The following SNTG1 variants were observed in gnomAD, a reference collection of about 807,000 sequenced individuals.
SNTG1 encodes syntrophin gamma 1.
In SNTG1, 39 loss-of-function variants were observed where a neutral mutation model predicts 74.7. That is an observed-to-expected ratio of 0.52 (90% CI 0.40 to 0.68). The LOEUF is 0.68. Ranked by LOEUF, SNTG1 falls within the 30% of genes least tolerant of loss-of-function variation. The probability of loss-of-function intolerance (pLI) is 0.00; values close to 1 mark genes in which losing one functional copy is unlikely to be tolerated. For missense variants in SNTG1, 685 were observed against 609.5 expected (o/e 1.12, Z -1.30); for synonymous variants, 254 against 217.1 (o/e 1.17, Z -1.49).
chr8:50,033,457 T>G (rs956199966), intron 1 of SNTG1, among the ~76,000 whole-genome samples: 6 of 152,148 alleles, frequency 3.9e-5, no homozygotes, highest in African/African-American at 1.4e-4. Context: ...AATTGATATA[T>G]ACCTAATGTC....
chr8:49,918,587 G>C (rs1352631006), intron 1 of SNTG1, among the ~76,000 whole-genome samples: 1 of 150,146 alleles, frequency 6.7e-6, no homozygotes, highest in Non-Finnish European at 1.5e-5. Context: ...AGAATATTCT[G>C]TTGGATTTCA....
At chr8:50,102,401 G>C (rs1281046804) in intron 1 of SNTG1, among the ~76,000 whole-genome samples, 1 of 150,696 alleles carries the variant, frequency 6.6e-6, no homozygotes, top group Non-Finnish European at 1.5e-5. Context: ...CTTTTTGATG[G>C]GGTTGTTTGT....
chr8:50,349,572 C>CT (rs563793531), intron 2 of SNTG1, among the ~76,000 whole-genome samples: 13 of 151,756 alleles, frequency 8.6e-5, no homozygotes, highest in South Asian at 2.1e-4. Context: ...CTATGTTATT[C>CT]TTTTTTTTAC....
At chr8:50,536,091 G>A (rs1563539085) in intron 10 of SNTG1, among the ~76,000 whole-genome samples, 1 of 152,152 alleles carries the variant, frequency 6.6e-6, no homozygotes, top group Non-Finnish European at 1.5e-5. Context: ...AGCAGTAGTT[G>A]CCTTGATATG....
At chr8:50,081,612 G>GT (rs1250076652) in intron 1 of SNTG1, among the ~76,000 whole-genome samples, 7 of 151,454 alleles carry the variant, frequency 4.6e-5, no homozygotes, top group Middle Eastern at 3.4e-3. Context: ...TGTTCACTTC[G>GT]TTTTTTTTGT....
At chr8:50,398,174 C>G (rs966474403) in intron 3 of SNTG1, among the ~76,000 whole-genome samples, 6 of 152,170 alleles carry the variant, frequency 3.9e-5, no homozygotes, top group Admixed American at 3.9e-4. Context: ...TTTAACTTTC[C>G]CATTTATTCT....
intron 1 of SNTG1, among the ~76,000 whole-genome samples, chr8:50,048,905 C>T (rs1486934630): frequency 6.6e-6 from 1 of 151,936 alleles, no homozygotes; most frequent in Non-Finnish European, 1.5e-5. Flanking sequence ...TTGAAATTTG[C>T]TACCTAATTT....
intron 9 of SNTG1, among the ~76,000 whole-genome samples, chr8:50,513,668 T>A (rs2094105980): frequency 6.6e-6 from 1 of 152,220 alleles, no homozygotes; most frequent in South Asian, 2.1e-4. Context: ...CTCAGACAGC[T>A]GTGCTAACAA....
At chr8:50,757,236 A>C (rs11776122) in intron 18 of SNTG1, among the ~76,000 whole-genome samples, 2 of 151,522 alleles carry the variant, frequency 1.3e-5, no homozygotes, top group East Asian at 3.9e-4. Context: ...TAGCCTGTTG[A>C]TTTGATGTAA....
chr8:50,033,141 G>A (rs1324968408), intron 1 of SNTG1, among the ~76,000 whole-genome samples: 1 of 150,660 alleles, frequency 6.6e-6, no homozygotes, highest in Non-Finnish European at 1.5e-5. Flanking sequence ...TTGAGACGGA[G>A]TTTCGCTCTT....
chr8:50,080,852 A>C, intron 1 of SNTG1, among the ~76,000 whole-genome samples: 1 of 152,296 alleles, frequency 6.6e-6, no homozygotes, highest in Admixed American at 6.5e-5. Flanking sequence ...TATCCACTCA[A>C]GTTCTGGGCA....
At chr8:50,671,664 T>A (rs2131346804) in intron 15 of SNTG1, among the ~76,000 whole-genome samples, 1 of 152,132 alleles carries the variant, frequency 6.6e-6, no homozygotes, top group East Asian at 1.9e-4. Context: ...GAACTAGAAA[T>A]GCCATTTGAC....
chr8:50,497,470 TAG>T (rs1274351596), intron 8 of SNTG1, among the ~76,000 whole-genome samples: 6 of 152,052 alleles, frequency 3.9e-5, no homozygotes, highest in Middle Eastern at 3.4e-3. Context: ...AAATTCCCAA[TAG>T]AGTCACATAA....
intron 5 of SNTG1, among the ~76,000 whole-genome samples, chr8:50,448,928 T>A (rs895147567): frequency 3.9e-5 from 6 of 152,074 alleles, no homozygotes; most frequent in African/African-American, 1.2e-4. Flanking sequence ...CTCGGGAGGC[T>A]GAGGCAGGAG....
At chr8:50,293,567 G>A (rs574224848) in intron 2 of SNTG1, among the ~76,000 whole-genome samples, 2 of 151,884 alleles carry the variant, frequency 1.3e-5, no homozygotes, top group East Asian at 1.9e-4. Flanking sequence ...GCACCAAAAC[G>A]CCCAGCTAAT....
intron 1 of SNTG1, among the ~76,000 whole-genome samples, chr8:50,041,592 C>T (rs1340922775): frequency 6.6e-6 from 1 of 152,042 alleles, no homozygotes; most frequent in African/African-American, 2.4e-5. Context: ...CTCTTTTATC[C>T]AGTTTGTACA....
At chr8:50,032,221 T>C (rs1041822384) in intron 1 of SNTG1, among the ~76,000 whole-genome samples, 23 of 152,094 alleles carry the variant, frequency 1.5e-4, no homozygotes, top group Non-Finnish European at 3.1e-4. Context: ...GTCCATTCTA[T>C]TGATATTTCT....
At chr8:50,458,362 A>T (rs1388364291) in intron 8 of SNTG1, among the ~76,000 whole-genome samples, 1 of 152,194 alleles carries the variant, frequency 6.6e-6, no homozygotes, top group East Asian at 1.9e-4. Context: ...TTGGATATTA[A>T]CACTTTGATA....
intron 1 of SNTG1, among the ~76,000 whole-genome samples, chr8:50,055,185 A>T (rs1819919892): frequency 6.6e-6 from 1 of 152,126 alleles, no homozygotes; most frequent in Admixed American, 6.6e-5. Context: ...CTAAGCTGAT[A>T]CTGCTTCTAG....
Sources: gnomAD v4.1 joint callset for allele counts (sites outside exome capture counted in the v4.1 genomes callset) on GRCh38, gnomAD v4.1.1 for gene constraint, MANE v1.5 for transcripts, NCBI Gene and HGNC (gene_info 2026-07-23, HGNC 2026-07-21) for gene names.